LRRC49: variants seen among roughly 807,000 people sequenced by gnomAD.
The protein encoded by LRRC49 is leucine rich repeat containing 49, also known as leucine-rich repeat-containing protein 49.
Under a neutral mutation model 83.3 loss-of-function variants are expected in LRRC49, and 50 were observed. The ratio of observed to expected loss-of-function variants is 0.60; its 90% CI spans 0.48 to 0.76. LRRC49 has a LOEUF of 0.76. Among genes scored for constraint, LRRC49 ranks in the 30% least tolerant of loss-of-function variants. The pLI is 0.00. For synonymous variants in LRRC49, 286 were observed against 283.3 expected (o/e 1.01, Z -0.10); for missense variants, 704 against 809.1 (o/e 0.87, Z 1.58).
At chr15:71,008,685 C>T (rs1319037487) in intron 12 of LRRC49, 69 bp downstream of exon 12, 37 of 1,080,952 alleles carry the variant, frequency 3.4e-5, no homozygotes, top group Non-Finnish European at 4.7e-5. Context: ...AGGCCAAAGA[C>T]CTGTTTTAAC....
chr15:70,878,435 T>C (rs2033197544), intron 2 of LRRC49, among the ~76,000 whole-genome samples: 2 of 152,228 alleles, frequency 1.3e-5, no homozygotes, highest in Non-Finnish European at 2.9e-5. Flanking sequence ...CCTTTTTGCC[T>C]TCTTTCCTTT....
chr15:71,018,160 G>T (rs1350221233), intron 14 of LRRC49, among the ~76,000 whole-genome samples: 1 of 151,968 alleles, frequency 6.6e-6, no homozygotes, highest in East Asian at 1.9e-4. Context: ...TTTATATTAT[G>T]ACCCAATGTT....
chr15:70,945,173 A>G (rs571053626), intron 8 of LRRC49, among the ~76,000 whole-genome samples: 22 of 152,136 alleles, frequency 1.4e-4, no homozygotes, highest in African/African-American at 5.1e-4. Context: ...TATTTCATCT[A>G]CCCAGTGAGA....
In LRRC49 at chr15:70,963,874, A is replaced by G. The variant is rs1812188945; in HGVS notation, c.863A>G (p.Lys288Arg). 1.9e-6 allele frequency: 3 copies of G among 1,613,656 alleles called. No individual in the cohort carries two copies. The African/African-American group carries it at 4.0e-5, about 22-fold the overall frequency. The change falls in exon 9 of 16, where the codon AAA becomes AGA. Residue 288 changes from lysine to arginine, a missense_variant. By Grantham distance (26) the Lys-to-Arg change is conservative. Around this residue, in one of 3 missense-constraint regions of LRRC49, gnomAD observed 168 missense variants for 140.6 expected, o/e 1.20. Transcript: ENST00000260382. ...GNPIAQESWY[K>R]HTVLQNMMQL... The stretch of plus-strand genomic sequence containing the variant: ...CCCATAGCTCAAGAGTCATGGTACA[A>G]ACACACTGTCCTTCAGAATATGATG...
intron 7 of LRRC49, among the ~76,000 whole-genome samples, chr15:70,920,731 A>G (rs2034976049): frequency 6.6e-6 from 1 of 152,212 alleles, no homozygotes; most frequent in African/African-American, 2.4e-5. Context: ...CTTATGGAAG[A>G]GGAAATTGTA....
chr15:70,922,202 G>A lies in LRRC49; in HGVS notation c.711+3009G>A, dbSNP rs558832793. 2.0e-4 allele frequency among the ~76,000 whole-genome samples: 31 copies of A among 152,276 alleles called. 1 individual carries two copies. The highest frequency in any genetic ancestry group is 7.5e-4 in the African/African-American group (31 of 41,566). Reference sequence around the variant, plus strand: ...TATATTTCCAAAAGAAAGGAAGTCAGGACATGGAAGAGATATCTGCATCCC... The same window carrying A: ...TATATTTCCAAAAGAAAGGAAGTCAAGACATGGAAGAGATATCTGCATCCC... On this transcript the variant is annotated intron_variant, in intron 7 of 15. Coordinates refer to ENST00000260382, the MANE Select transcript of LRRC49 (RefSeq NM_017691.5).
chr15:70,997,543 G>A (rs1439293897), intron 11 of LRRC49, among the ~76,000 whole-genome samples: 1 of 152,122 alleles, frequency 6.6e-6, no homozygotes, highest in Non-Finnish European at 1.5e-5. Flanking sequence ...CTGAGGTCAA[G>A]AGTTTGAGAC....
At chr15:70,985,911 C>G (rs7495805) in intron 11 of LRRC49, among the ~76,000 whole-genome samples, 43 of 143,252 alleles carry the variant, frequency 3.0e-4, no homozygotes, top group East Asian at 4.1e-4. Flanking sequence ...GCTTGTTTTT[C>G]TCAGGTTTGT....
chr15:70,863,298 C>T (rs2032834925), intron 1 of LRRC49, among the ~76,000 whole-genome samples: 1 of 152,174 alleles, frequency 6.6e-6, no homozygotes, highest in Non-Finnish European at 1.5e-5. Flanking sequence ...CAAGTGGTTT[C>T]CATCAAGCTG....
intron 1 of LRRC49, among the ~76,000 whole-genome samples, chr15:70,864,770 T>C (rs1317494960): frequency 6.6e-6 from 1 of 152,198 alleles, no homozygotes; most frequent in East Asian, 1.9e-4. Context: ...AATGTAACTC[T>C]TTGGGGTGAT....
chr15:71,027,510 T>C (rs1039706271), intron 14 of LRRC49, among the ~76,000 whole-genome samples: 6 of 152,220 alleles, frequency 3.9e-5, no homozygotes, highest in African/African-American at 1.2e-4. Context: ...GGGAATAGCA[T>C]TGAATCTATA....
chr15:70,940,707 C>A (rs1447675615), intron 8 of LRRC49, among the ~76,000 whole-genome samples: 1 of 152,100 alleles, frequency 6.6e-6, no homozygotes, highest in Non-Finnish European at 1.5e-5. Context: ...TGTTAGAATG[C>A]CTTTACTTTT....
Position 70,977,576 on chromosome 15 carries a change from C to T in LRRC49, c.922-2525C>T, listed in dbSNP as rs953900637. ...ATGAGAATTGCTTGAACCCAGGAGGCGGAGGTTGCAGTGAGCTGACATTGC... is the reference window on the plus strand; with the variant it reads ...ATGAGAATTGCTTGAACCCAGGAGGTGGAGGTTGCAGTGAGCTGACATTGC... On this transcript the variant is annotated intron_variant, in intron 9 of 15. Coordinates refer to ENST00000260382, the MANE Select transcript of LRRC49 (RefSeq NM_017691.5). 4.6e-5 allele frequency among the ~76,000 whole-genome samples: 7 copies of T among 152,076 alleles called. No homozygotes were observed. The South Asian group carries it at 6.2e-4, about 14-fold the overall frequency.
In LRRC49 at chr15:70,980,079, C is replaced by T. The variant is rs769411214; in HGVS notation, c.922-22C>T. 29 of 1,538,426 alleles carry T rather than the reference C, an allele frequency of 1.9e-5. No individual in the cohort carries two copies. In the South Asian group the frequency reaches 3.0e-4, roughly 16 times the overall value. On this transcript the variant is annotated intron_variant, in intron 9 of 15. Transcript: ENST00000260382. Reference sequence around the variant, plus strand: ...AAAAATGGTTAAACTCTTCATAATACTTTTCGGAAAATGTCTTTTAGGAAG... The same window carrying T: ...AAAAATGGTTAAACTCTTCATAATATTTTTCGGAAAATGTCTTTTAGGAAG...
chr15:70,974,187 C>G (rs1243857626), intron 9 of LRRC49, among the ~76,000 whole-genome samples: 4 of 152,098 alleles, frequency 2.6e-5, no homozygotes, highest in African/African-American at 9.7e-5. Flanking sequence ...GAATTGGTCA[C>G]TAGGAGGCAG....
In LRRC49 at chr15:71,008,347, T is replaced by G. The variant is rs1373253024; in HGVS notation, c.1170-32T>G. ...ACTGTTAGGTATTCTGCATGATATC[T>G]TTCATTTAAAATTATACTTTGGGTT... is the stretch of plus-strand genomic sequence containing the variant. On this transcript the variant is annotated intron_variant, in intron 11 of 15. Coordinates refer to ENST00000260382, the MANE Select transcript of LRRC49 (RefSeq NM_017691.5). The G allele has an allele frequency of 7.6e-6, 10 of 1,311,140 alleles. No homozygotes were observed. In the East Asian group the frequency reaches 2.3e-4, roughly 30 times the overall value. 81.2% of individuals were successfully genotyped at this position (1,311,140 alleles called of 1,614,324 possible).
At chr15:71,005,803 T>C (rs140555856) in intron 11 of LRRC49, among the ~76,000 whole-genome samples, 18 of 152,288 alleles carry the variant, frequency 1.2e-4, no homozygotes, top group African/African-American at 4.1e-4. Context: ...TTAATTAATA[T>C]GTGTGTATGT....
At position 70,904,597 on chromosome 15, in the gene LRRC49, T is replaced by C; in HGVS notation, c.342T>C (p.Leu114=). The change falls in exon 5 of 16, where the codon CTT becomes CTC. Residue 114 remains leucine (L), a synonymous_variant. Transcript: ENST00000260382. ...VCPIINGEDH[L]RLLNFQHNFI... Reference sequence around the variant, plus strand: ...CTATCATCAATGGGGAAGACCACCTTCGTTTGTTGAACTTTCAACACAATT... The same window carrying C: ...CTATCATCAATGGGGAAGACCACCTCCGTTTGTTGAACTTTCAACACAATT... 6.2e-7 allele frequency: 1 copy of C among 1,613,768 alleles called. No homozygotes were observed. Among genetic ancestry groups the C allele is most frequent in the Non-Finnish European group, 8.5e-7 (1 of 1,179,720 alleles).
intron 1 of LRRC49, chr15:70,859,767 A>G: frequency 1.4e-6 from 1 of 730,802 alleles, no homozygotes; most frequent in Non-Finnish European, 2.6e-6. Flanking sequence ...GCCAACGCCA[A>G]GCTGTCCGAG....
Sources: gnomAD v4.1 joint callset for allele counts (sites outside exome capture counted in the v4.1 genomes callset) on GRCh38, gnomAD v4.1.1 for gene constraint, gnomAD v4.1.1 regional missense constraint, MANE v1.5 for transcripts, NCBI Gene and HGNC (gene_info 2026-07-23, HGNC 2026-07-21) for gene names.